KLHL15: variants seen among roughly 807,000 people sequenced by gnomAD.
KLHL15 encodes kelch like family member 15, also known as kelch-like protein 15.
A neutral mutation model predicts 29.3 loss-of-function variants in KLHL15; 1 was observed. The ratio of observed to expected loss-of-function variants is 0.03; its 90% confidence interval spans 0.01 to 0.16. The LOEUF (loss-of-function observed/expected upper bound fraction) is 0.16. KLHL15 is among the 10% of genes least tolerant of loss of function. KLHL15 has a pLI of 1.00. For synonymous variants in KLHL15, 212 were observed against 184.5 expected (o/e 1.15, Z -1.21); for missense variants, 215 against 478.5 (o/e 0.45, Z 5.14).
chrX:24,008,876 AAAAAAAAC>A (rs1175008492), intron 2 of KLHL15, among the ~76,000 whole-genome samples: 2 of 102,714 alleles, frequency 1.9e-5, no homozygotes, highest in Admixed American at 1.1e-4. Context: ...TGTTAGAAAA[AAAAAAAAC>A]AAAACAAAAA....
intron 2 of KLHL15, among the ~76,000 whole-genome samples, chrX:24,021,070 T>C (rs778281560): frequency 3.4e-4 from 38 of 112,130 alleles, no homozygotes; most frequent in Non-Finnish European, 6.4e-4. Flanking sequence ...ACATATTTTG[T>C]CTTTCCTAAT....
intron 3 of KLHL15, among the ~76,000 whole-genome samples, chrX:23,999,712 C>T (rs746984931): frequency 4.8e-4 from 54 of 111,495 alleles, no homozygotes; most frequent in Non-Finnish European, 8.9e-4. Context: ...CTTCCTAAGG[C>T]CCTAATAGTA....
intron 2 of KLHL15, among the ~76,000 whole-genome samples, chrX:24,007,426 GAGGTTGC>G (rs1929468145): frequency 9.9e-6 from 1 of 101,284 alleles, no homozygotes; most frequent in South Asian, 4.6e-4. Context: ...TCGGGAGACG[GAGGTTGC>G]AGTGAGCCAA....
chrX:23,995,982 C>T (rs777885140), intron 3 of KLHL15, among the ~76,000 whole-genome samples: 1 of 109,930 alleles, frequency 9.1e-6, no homozygotes, highest in Non-Finnish European at 1.9e-5. Flanking sequence ...CTCCTAACCT[C>T]AGGTGATCTG....
At chrX:24,026,426 T>A (rs943929975) in intron 1 of KLHL15, among the ~76,000 whole-genome samples, 3 of 112,269 alleles carry the variant, frequency 2.7e-5, no homozygotes, top group African/African-American at 9.7e-5. Context: ...GACTGTTTTG[T>A]AAATTTATTA....
rs2147094751 is a variant in KLHL15 at position 23,985,456 on chromosome X, T to C, written c.*2465A>G. 8.9e-6 allele frequency: 1 copy of C among 112,208 alleles called. No homozygotes were observed. The highest frequency in any genetic ancestry group is 3.7e-4 in the South Asian group (1 of 2,722). 9.2% of individuals were successfully genotyped at this position (112,208 alleles called of 1,213,427 possible). On this transcript the variant is annotated 3_prime_UTR_variant, in exon 4 of 4. Transcript: ENST00000328046. ...GATTTAAAATAACCTAAATTAGAAC[T>C]ACATATAAACAGGGAGTTTTCTCAT...
chrX:24,017,875 G>C (rs1288255849), intron 2 of KLHL15, among the ~76,000 whole-genome samples: 1 of 110,351 alleles, frequency 9.1e-6, no homozygotes, highest in East Asian at 2.8e-4. Flanking sequence ...TGGGAGGCAA[G>C]GCACGAGGAT....
intron 3 of KLHL15, among the ~76,000 whole-genome samples, chrX:23,997,548 T>C (rs866687381): frequency 4.7e-5 from 5 of 107,164 alleles, no homozygotes; most frequent in Admixed American, 1.0e-4. Flanking sequence ...CTGGCCAACA[T>C]GGTAAAACCA....
intron 3 of KLHL15, among the ~76,000 whole-genome samples, chrX:24,004,782 T>C (rs1331590489): frequency 1.1e-5 from 1 of 88,667 alleles, no homozygotes; most frequent in African/African-American, 4.4e-5. Flanking sequence ...AGAGCGAGAC[T>C]CTGTCTCAAA....
rs770901332 is a variant in KLHL15 at position 23,988,194 on chromosome X, T to C, written c.1542A>G (p.Val514=). 17 of 1,212,114 alleles carry C rather than the reference T, an allele frequency of 1.4e-5. No homozygotes were observed. The highest frequency in any genetic ancestry group is 1.8e-5 in the South Asian group (1 of 57,021). ...TCCACTGATCAGTCTCTGGGTTGTA[T>C]ACTTCTGTAGAAGGGCATCCCTGAG... ...FESQGCPSTE[V]YNPETDQWTI... The change falls in exon 4 of 4, where the codon GTA becomes GTG. Residue 514 remains valine (V), a synonymous_variant. Transcript: ENST00000328046.
Position 24,000,158 on chromosome X carries a change from A to T in KLHL15, c.705+5831T>A, listed in dbSNP as rs1929284313. 2.7e-5 allele frequency among the ~76,000 whole-genome samples: 3 copies of T among 112,284 alleles called. No homozygotes were observed. In the South Asian group the frequency reaches 1.1e-3, roughly 41 times the overall value. Reference sequence around the variant, plus strand: ...CAAGCTTATTAGAAATTCTAATCAAATTTCACATTTGAAATAAAGGTTACT... The same window carrying T: ...CAAGCTTATTAGAAATTCTAATCAATTTTCACATTTGAAATAAAGGTTACT... On this transcript the variant is annotated intron_variant, in intron 3 of 3. Transcript: ENST00000328046.
At chrX:24,015,524 G>A (rs1929658304) in intron 2 of KLHL15, among the ~76,000 whole-genome samples, 1 of 112,439 alleles carries the variant, frequency 8.9e-6, no homozygotes, top group African/African-American at 3.2e-5. Context: ...TGGTAAGCGT[G>A]TATTAAGTAG....
rs959231107 is a variant in KLHL15, at chrX:23,985,964, C to T, written c.*1957G>A. 2 of 111,076 alleles carry T rather than the reference C, an allele frequency of 1.8e-5. No individual in the cohort carries two copies. Among genetic ancestry groups the T allele is most frequent in the South Asian group, 3.7e-4 (1 of 2,671 alleles). The allele number at this position is 111,076 out of a possible 1,213,427, so 9.2% of individuals were successfully genotyped here. A position where few individuals can be genotyped will look rare whatever the true frequency, so the allele number is the denominator to read the frequency against. On this transcript the variant is annotated 3_prime_UTR_variant, in exon 4 of 4. Transcript: ENST00000328046. ...TTTTAAATGTAGAAAAAGACTTTTA[C>T]CCATATTACCATGGGAAACAAGATA...
chrX:24,015,391 C>T (rs184404566), intron 2 of KLHL15, among the ~76,000 whole-genome samples: 2 of 112,648 alleles, frequency 1.8e-5, no homozygotes, highest in African/African-American at 6.4e-5. Context: ...CTGATCTAAA[C>T]ACTTTTAAAA....
chrX:24,026,764 C>A (rs1929942579), intron 1 of KLHL15, among the ~76,000 whole-genome samples: 1 of 111,915 alleles, frequency 8.9e-6, no homozygotes, highest in African/African-American at 3.2e-5. Context: ...ACAATCACTT[C>A]AATCTTTTGG....
At position 23,985,282 on chromosome X, in the gene KLHL15, T is replaced by C. The variant is rs890811231; in HGVS notation, c.*2639A>G. On this transcript the variant is annotated 3_prime_UTR_variant, in exon 4 of 4. Coordinates refer to ENST00000328046, the MANE Select transcript of KLHL15 (RefSeq NM_030624.3). ...CAAAAAACTACTTTTTTGAGCGCAA[T>C]GTATATAAACAAAAACTCCAAATGA... 1.3e-4 allele frequency: 15 copies of C among 111,578 alleles called. No individual in the cohort carries two copies. Among genetic ancestry groups the C allele is most frequent in the African/African-American group, 4.6e-4 (14 of 30,733 alleles). The allele number at this position is 111,578 out of a possible 1,213,427, so 9.2% of individuals were successfully genotyped here. A position where few individuals can be genotyped will look rare whatever the true frequency, so the allele number is the denominator to read the frequency against.
intron 3 of KLHL15, among the ~76,000 whole-genome samples, chrX:23,998,281 C>T (rs188975140): frequency 3.8e-5 from 4 of 106,650 alleles, no homozygotes; most frequent in East Asian, 3.0e-4. Context: ...GTGTGTGAGA[C>T]GGAGTCTTGC....
At chrX:24,025,262 G>C (rs1929900182) in intron 1 of KLHL15, among the ~76,000 whole-genome samples, 1 of 110,507 alleles carries the variant, frequency 9.0e-6, no homozygotes, top group South Asian at 3.7e-4. Flanking sequence ...AGCCGAGGAA[G>C]CGTCGAGGAC....
chrX:24,008,077 C>CTCA (rs916584471), intron 2 of KLHL15, among the ~76,000 whole-genome samples: 1 of 111,429 alleles, frequency 9.0e-6, no homozygotes, highest in Non-Finnish European at 1.9e-5. Flanking sequence ...TTTCATTTAC[C>CTCA]TCATTACCCT....
Sources: gnomAD v4.1 joint callset for allele counts (sites outside exome capture counted in the v4.1 genomes callset) on GRCh38, gnomAD v4.1.1 for gene constraint, MANE v1.5 for transcripts, NCBI Gene and HGNC (gene_info 2026-07-23, HGNC 2026-07-21) for gene names.